Variants in PRKN observed in about 807,000 individuals in gnomAD.
The protein encoded by PRKN is E3 ubiquitin-protein ligase parkin.
A neutral mutation model predicts 59.5 loss-of-function variants in PRKN; 56 were observed. The ratio of observed to expected loss-of-function variants is 0.94; its 90% CI spans 0.76 to 1.18. The LOEUF (loss-of-function observed/expected upper bound fraction) is 1.18. Among genes scored for constraint, PRKN ranks in the 50% most tolerant of loss-of-function variants. PRKN has a pLI of 0.00. For synonymous variants in PRKN, 250 were observed against 222.1 expected (o/e 1.13, Z -1.12); for missense variants, 657 against 596.4 (o/e 1.10, Z -1.06).
chr6:161,381,766 C>G (rs2114929694), intron 10 of PRKN, among the ~76,000 whole-genome samples: 1 of 152,256 alleles, frequency 6.6e-6, no homozygotes, highest in Non-Finnish European at 1.5e-5. Flanking sequence ...TACTCTGTGC[C>G]AGGCACTGCA....
rs1790113814 is a variant in PRKN, at chr6:161,459,546, A to G, written c.1084-72669T>C. The stretch of plus-strand genomic sequence containing the variant: ...TGAATCCCTGGATCTGTTCACAGGA[A>G]TGCCTAGAGCTTCTGGCACACAGGG... On this transcript the variant is annotated intron_variant, in intron 9 of 11. Coordinates refer to ENST00000366898, the MANE Select transcript of PRKN (RefSeq NM_004562.3). This position sits in a 1 kb window ranked among gnomAD's most constrained non-coding sequence, Gnocchi z 4.8. 6.6e-6 allele frequency among the ~76,000 whole-genome samples: 1 copy of G among 152,174 alleles called. No individual in the cohort carries two copies. Among genetic ancestry groups the G allele is most frequent in the Non-Finnish European group, 1.5e-5 (1 of 68,024 alleles).
In PRKN at chr6:162,291,867, A is replaced by G. The variant is rs189301650; in HGVS notation, c.172-29102T>C. Among the ~76,000 whole-genome samples, 4 of 152,252 alleles carry G rather than the reference A, an allele frequency of 2.6e-5. No individual in the cohort carries two copies. The East Asian group carries it at 7.7e-4, about 29-fold the overall frequency. ...CGTTGAAGACAAACAAGATGTTCTA[A>G]TATAGAGCAAACCTGATGAGTCATT... On this transcript the variant is annotated intron_variant, in intron 2 of 11. Transcript: ENST00000366898.
At chr6:162,332,431 G>A (rs1252854850) in intron 2 of PRKN, among the ~76,000 whole-genome samples, 1 of 152,154 alleles carries the variant, frequency 6.6e-6, no homozygotes, top group Non-Finnish European at 1.5e-5. Context: ...CCTGCCCTAA[G>A]TAAAGCCTCA....
At chr6:162,267,331 TCAAAG>T (rs1780187493) in intron 2 of PRKN, 1 of 149,574 alleles carries the variant, frequency 6.7e-6, no homozygotes, top group African/African-American at 2.6e-5. Context: ...CTGGTTCAGT[TCAAAG>T]CCACATTCCA....
At chr6:161,434,530 T>G (rs1178256567) in intron 9 of PRKN, among the ~76,000 whole-genome samples, 1 of 152,156 alleles carries the variant, frequency 6.6e-6, no homozygotes, top group East Asian at 1.9e-4. Flanking sequence ...AAGGCTGGGG[T>G]GTGCGCTGAC....
intron 6 of PRKN, among the ~76,000 whole-genome samples, chr6:161,814,915 A>G (rs1419994011): frequency 6.6e-6 from 1 of 152,200 alleles, no homozygotes; most frequent in African/African-American, 2.4e-5. Context: ...GGTCCCTCCC[A>G]TGACACATGG....
intron 9 of PRKN, among the ~76,000 whole-genome samples, chr6:161,439,963 T>G (rs868107250): frequency 2.0e-4 from 31 of 151,748 alleles, no homozygotes; most frequent in African/African-American, 7.0e-4. Context: ...TTTTTGTTTT[T>G]TTTTTTTGAC....
At chr6:162,173,246 C>T (rs1783369532) in intron 4 of PRKN, among the ~76,000 whole-genome samples, 1 of 152,160 alleles carries the variant, frequency 6.6e-6, no homozygotes, top group Admixed American at 6.5e-5. Flanking sequence ...GGTCTTACTA[C>T]AGTCATTGCC....
At chr6:162,677,598 G>C (rs1779604712) in intron 1 of PRKN, among the ~76,000 whole-genome samples, 1 of 151,912 alleles carries the variant, frequency 6.6e-6, no homozygotes, top group African/African-American at 2.4e-5. Flanking sequence ...ATACTGGCCT[G>C]GAACTCTGTC....
At chr6:161,841,018 C>G (rs568183945) in intron 6 of PRKN, among the ~76,000 whole-genome samples, 5 of 152,316 alleles carry the variant, frequency 3.3e-5, no homozygotes, top group Non-Finnish European at 7.3e-5. Flanking sequence ...GATGATTCCT[C>G]AAAGACCTAA....
At chr6:161,509,200 C>CTT (rs10578350) in intron 9 of PRKN, among the ~76,000 whole-genome samples, 1 of 149,452 alleles carries the variant, frequency 6.7e-6, no homozygotes, top group South Asian at 2.1e-4. Context: ...AAAGACTTTT[C>CTT]TTTTTTTTTT....
intron 2 of PRKN, among the ~76,000 whole-genome samples, chr6:162,314,901 T>G (rs917271997): frequency 1.3e-5 from 2 of 152,162 alleles, no homozygotes; most frequent in Non-Finnish European, 2.9e-5. Context: ...CAGGAACTAC[T>G]GCCAAGGAAG....
chr6:161,700,040 C>A (rs1786187828), intron 7 of PRKN, among the ~76,000 whole-genome samples: 1 of 151,722 alleles, frequency 6.6e-6, no homozygotes, highest in Non-Finnish European at 1.5e-5. Flanking sequence ...CCTTTGGTTC[C>A]CACCTTTGTT....
intron 5 of PRKN, among the ~76,000 whole-genome samples, chr6:161,985,122 CT>C (rs1282681213): frequency 6.6e-6 from 1 of 152,196 alleles, no homozygotes; most frequent in East Asian, 1.9e-4. Flanking sequence ...ATCGCAGTGA[CT>C]TATGCGATGT....
At chr6:161,559,103 G>A (rs1221038042) in intron 8 of PRKN, among the ~76,000 whole-genome samples, 1 of 146,928 alleles carries the variant, frequency 6.8e-6, no homozygotes. Flanking sequence ...GATCATATCC[G>A]GAAGCACAGT....
intron 1 of PRKN, among the ~76,000 whole-genome samples, chr6:162,484,661 T>C (rs1792461514): frequency 6.6e-6 from 1 of 152,204 alleles, no homozygotes; most frequent in African/African-American, 2.4e-5. Context: ...ACGTGCCTAC[T>C]GAGATCAACA....
chr6:162,651,209 A>G (rs1778419501), intron 1 of PRKN, among the ~76,000 whole-genome samples: 1 of 152,158 alleles, frequency 6.6e-6, no homozygotes, highest in South Asian at 2.1e-4. Context: ...ACAAACCTCC[A>G]TTCTCCTGGT....
chr6:161,973,989 C>T (rs528260796), intron 5 of PRKN, among the ~76,000 whole-genome samples: 81 of 152,298 alleles, frequency 5.3e-4, no homozygotes, highest in African/African-American at 1.9e-3. Flanking sequence ...AGCAGAGGCC[C>T]GGCGCGTTGG....
At chr6:161,750,649 C>T (rs1167467796) in intron 7 of PRKN, among the ~76,000 whole-genome samples, 1 of 151,720 alleles carries the variant, frequency 6.6e-6, no homozygotes, top group Non-Finnish European at 1.5e-5. Flanking sequence ...TGCCTGTAAT[C>T]CCAGCTACTA....
Sources: gnomAD v4.1 joint callset for allele counts (sites outside exome capture counted in the v4.1 genomes callset) on GRCh38, gnomAD v4.1.1 for gene constraint, Gnocchi (gnomAD v3.1) non-coding constraint, MANE v1.5 for transcripts, NCBI Gene and HGNC (gene_info 2026-07-23, HGNC 2026-07-21) for gene names.